The following LONP2 variants were observed in gnomAD, a reference collection of about 807,000 sequenced individuals.
LONP2 encodes lon peptidase 2, peroxisomal, also known as lon protease homolog 2, peroxisomal.
In LONP2, 60 loss-of-function variants were observed where a neutral mutation model predicts 85.6. That is an observed-to-expected ratio of 0.70 (90% CI 0.57 to 0.87). The LOEUF is 0.87. Ranked by LOEUF, LONP2 falls within the 40% of genes least tolerant of loss-of-function variation. The probability of loss-of-function intolerance (pLI) is 0.00; values close to 1 mark genes in which losing one functional copy is unlikely to be tolerated. For synonymous variants in LONP2, 395 were observed against 389.7 expected (o/e 1.01, Z -0.16); for missense variants, 860 against 1,063.5 (o/e 0.81, Z 2.66).
chr16:48,340,203 C>T (rs1959772930), intron 12 of LONP2, among the ~76,000 whole-genome samples: 1 of 152,178 alleles, frequency 6.6e-6, no homozygotes, highest in Non-Finnish European at 1.5e-5. Flanking sequence ...GCAAGGCAGC[C>T]TCTTACTGAC....
At chr16:48,320,949 C>T (rs756117134) in intron 11 of LONP2, among the ~76,000 whole-genome samples, 1 of 152,132 alleles carries the variant, frequency 6.6e-6, no homozygotes, top group Non-Finnish European at 1.5e-5. Flanking sequence ...ATGCATTGAC[C>T]TTAAAACAGA....
intron 1 of LONP2, among the ~76,000 whole-genome samples, chr16:48,250,487 AAAAAAC>A (rs1288622627): frequency 1.3e-5 from 2 of 151,992 alleles, no homozygotes; most frequent in African/African-American, 4.8e-5. Context: ...TCTCAAAAAA[AAAAAAC>A]AAAAAACAAA....
intron 6 of LONP2, among the ~76,000 whole-genome samples, chr16:48,263,473 T>G (rs1971920415): frequency 6.6e-6 from 1 of 152,224 alleles, no homozygotes; most frequent in African/African-American, 2.4e-5. Context: ...GTCTGGCTTA[T>G]TTCACTTAGC....
At chr16:48,339,048 A>G (rs1022819487) in intron 12 of LONP2, among the ~76,000 whole-genome samples, 1 of 152,246 alleles carries the variant, frequency 6.6e-6, no homozygotes, top group African/African-American at 2.4e-5. Flanking sequence ...AGAGCCCCAG[A>G]TATTGAGGCT....
At chr16:48,286,547 G>A (rs982798396) in intron 8 of LONP2, among the ~76,000 whole-genome samples, 5 of 152,006 alleles carry the variant, frequency 3.3e-5, no homozygotes, top group Admixed American at 3.3e-4. Context: ...CTGTCACCCA[G>A]ACTGGAGTGC....
intron 4 of LONP2, among the ~76,000 whole-genome samples, chr16:48,260,945 A>G (rs1223383766): frequency 6.6e-6 from 1 of 152,220 alleles, no homozygotes. Flanking sequence ...AGAAAAAAAT[A>G]TTTTGAAAGC....
chr16:48,333,900 T>C lies in LONP2; in HGVS notation c.1796-316T>C, dbSNP rs529690367. 9.8e-5 allele frequency among the ~76,000 whole-genome samples: 15 copies of C among 152,344 alleles called. No individual in the cohort carries two copies. The South Asian group carries it at 3.1e-3, about 32-fold the overall frequency. On this transcript the variant is annotated intron_variant, in intron 11 of 14. Transcript: ENST00000285737. Reference sequence around the variant, plus strand: ...AATAGTGCCGGGAATTGTTCTTGACTTAAGAATATAATGGTCAAAAAGGAC... The same window carrying C: ...AATAGTGCCGGGAATTGTTCTTGACCTAAGAATATAATGGTCAAAAAGGAC...
In LONP2 at chr16:48,244,505, G is replaced by A; in HGVS notation, c.117G>A (p.Leu39=). ...CCAGCGTGGACTCGGCCCGCAACCT[G>A]CAGCTGGTGCGGAGCCGCCTTCTGA... ...MRTSVDSARN[L]QLVRSRLLKG... The change falls in exon 1 of 15, where the codon CTG becomes CTA. Residue 39 remains leucine (L), a synonymous_variant. Coordinates refer to ENST00000285737, the MANE Select transcript of LONP2 (RefSeq NM_031490.5). 3 of 1,594,874 alleles carry A rather than the reference G, an allele frequency of 1.9e-6. No homozygotes were observed. The highest frequency in any genetic ancestry group is 2.6e-6 in the Non-Finnish European group (3 of 1,174,666).
chr16:48,260,691 T>C (rs74016350), intron 4 of LONP2, among the ~76,000 whole-genome samples: 1,864 of 152,330 alleles, frequency 0.012, 40 homozygotes, highest in African/African-American at 0.042. Context: ...TCAAGGAGCA[T>C]ATAAGGTAGT....
At chr16:48,269,205 T>G (rs897279444) in intron 6 of LONP2, among the ~76,000 whole-genome samples, 2 of 151,872 alleles carry the variant, frequency 1.3e-5, no homozygotes, top group Non-Finnish European at 2.9e-5. Flanking sequence ...CATCTGTTTT[T>G]TTTTTTTTTT....
At chr16:48,296,188 T>G in intron 9 of LONP2, 23 bp downstream of exon 9, 1 of 1,610,626 alleles carries the variant, frequency 6.2e-7, no homozygotes, top group Non-Finnish European at 8.5e-7. Flanking sequence ...TAAATCATTA[T>G]GATACATCTT....
chr16:48,246,909 C>A (rs1047269837), intron 1 of LONP2, among the ~76,000 whole-genome samples: 6 of 138,272 alleles, frequency 4.3e-5, no homozygotes, highest in African/African-American at 1.6e-4. Context: ...CCCTCCAAAG[C>A]AACAATCCTC....
intron 11 of LONP2, among the ~76,000 whole-genome samples, chr16:48,306,467 C>T (rs1270223993): frequency 6.6e-6 from 1 of 152,142 alleles, no homozygotes; most frequent in Non-Finnish European, 1.5e-5. Context: ...TAAAAGTGAT[C>T]ACAGGACATC....
chr16:48,358,115 T>G (rs972988561), downstream of LONP2, among the ~76,000 whole-genome samples: 1 of 152,190 alleles, frequency 6.6e-6, no homozygotes, highest in Non-Finnish European at 1.5e-5. Context: ...GCTATAGATC[T>G]TACCTCTATA....
chr16:48,273,973 TATAA>T (rs747694454), intron 7 of LONP2, among the ~76,000 whole-genome samples: 16 of 152,204 alleles, frequency 1.1e-4, no homozygotes, highest in Non-Finnish European at 1.6e-4. Context: ...ATGGTAAAGT[TATAA>T]ATAAACTATT....
At chr16:48,315,078 T>C (rs542755525) in intron 11 of LONP2, among the ~76,000 whole-genome samples, 2 of 152,234 alleles carry the variant, frequency 1.3e-5, no homozygotes, top group African/African-American at 2.4e-5. Flanking sequence ...TAAAAGCCTA[T>C]GAAGAAATTA....
At chr16:48,360,141 C>A (rs1198447475), downstream of LONP2, among the ~76,000 whole-genome samples, 1 of 152,224 alleles carries the variant, frequency 6.6e-6, no homozygotes, top group Non-Finnish European at 1.5e-5. Flanking sequence ...GAAACTGGGG[C>A]CCAAGGTCAC....
chr16:48,349,737 G>GTT (rs1960082664), intron 14 of LONP2, among the ~76,000 whole-genome samples: 2 of 152,208 alleles, frequency 1.3e-5, no homozygotes, highest in Admixed American at 1.3e-4. Flanking sequence ...AAAACAATTT[G>GTT]TTGTTAGAAC....
At chr16:48,247,041 A>T (rs1015933071) in intron 1 of LONP2, among the ~76,000 whole-genome samples, 1 of 152,302 alleles carries the variant, frequency 6.6e-6, no homozygotes, top group East Asian at 1.9e-4. Context: ...ATTAGAAAAC[A>T]TATATTGAAA....
Sources: gnomAD v4.1 joint callset for allele counts (sites outside exome capture counted in the v4.1 genomes callset) on GRCh38, gnomAD v4.1.1 for gene constraint, MANE v1.5 for transcripts, NCBI Gene and HGNC (gene_info 2026-07-23, HGNC 2026-07-21) for gene names.